Variants in SLCO6A1 observed in about 807,000 individuals in gnomAD.
SLCO6A1 encodes the protein solute carrier organic anion transporter family member 6A1, also known as cancer/testis antigen 48.
SLCO6A1 carries 65 observed loss-of-function variants against 72.7 expected under a neutral mutation model. The observed-to-expected ratio is 0.89, with a 90% CI of 0.73 to 1.10. The LOEUF is 1.10. SLCO6A1 is among the 50% of genes least tolerant of loss of function. The probability of loss-of-function intolerance (pLI) is 0.00; values close to 1 mark genes in which losing one functional copy is unlikely to be tolerated. For missense variants in SLCO6A1, 874 were observed against 872.6 expected, an observed-to-expected ratio of 1.00 and a Z score of -0.02; for synonymous variants, 314 against 298.2, an observed-to-expected ratio of 1.05 and a Z score of -0.55.
intron 12 of SLCO6A1, among the ~76,000 whole-genome samples, chr5:102,382,475 A>G (rs541070653): frequency 2.8e-4 from 39 of 138,236 alleles, no homozygotes; most frequent in Admixed American, 1.1e-3. Flanking sequence ...GTCTTTTGTG[A>G]TTTCATGCAA....
chr5:102,469,865 T>A (rs543814699), intron 4 of SLCO6A1, among the ~76,000 whole-genome samples: 6 of 152,316 alleles, frequency 3.9e-5, no homozygotes, highest in Admixed American at 6.5e-5. Context: ...GTTTTTAGCA[T>A]GAAAGGCTGC....
chr5:102,414,920 TAAA>T (rs765409308), intron 8 of SLCO6A1, among the ~76,000 whole-genome samples: 12,468 of 151,270 alleles, frequency 0.082, 679 homozygotes, highest in Non-Finnish European at 0.12. Context: ...AATAAATAAA[TAAA>T]TAAATAAATA....
rs1748502284 is a variant in SLCO6A1, at chr5:102,419,968, C to G, written c.1330G>C (p.Val444Leu). 1 of 1,598,032 alleles carries G rather than the reference C, an allele frequency of 6.3e-7. No individual in the cohort carries two copies. Among genetic ancestry groups the G allele is most frequent in the Admixed American group, 1.8e-5 (1 of 55,476 alleles). Residue 444 changes from valine to leucine, a missense_variant, in exon 8 of 14, where the codon GTT becomes CTT. Coordinates refer to ENST00000506729, the MANE Select transcript of SLCO6A1 (RefSeq NM_173488.5). ...TTACAAGACATTTCTAATGTGGAAA[C>G]AATGACACCTCCCAGAAGCTGGCCA... Reference protein sequence around the residue: ...ALGQLLGGVIVSTLEMSCKAL... With the variant: ...ALGQLLGGVILSTLEMSCKAL...
chr5:102,449,974 C>T (rs1750328889), intron 6 of SLCO6A1, among the ~76,000 whole-genome samples: 1 of 152,172 alleles, frequency 6.6e-6, no homozygotes, highest in South Asian at 2.1e-4. Context: ...CGTTTTTCAG[C>T]TGTATCATCT....
At chr5:102,435,719 T>C (rs907946811) in intron 7 of SLCO6A1, among the ~76,000 whole-genome samples, 2 of 151,894 alleles carry the variant, frequency 1.3e-5, no homozygotes, top group South Asian at 2.1e-4. Context: ...TACTAAAAAA[T>C]ACAAAATTAG....
intron 10 of SLCO6A1, among the ~76,000 whole-genome samples, chr5:102,392,337 T>TA (rs1746811657): frequency 1.3e-5 from 2 of 151,928 alleles, no homozygotes; most frequent in African/African-American, 4.8e-5. Flanking sequence ...TAAAGAGAGT[T>TA]TAAAAAGTCA....
chr5:102,379,114 T>C lies in SLCO6A1; in HGVS notation c.2018-5620A>G, dbSNP rs113507799. ...GTTTTTGGGTATTTGATATCTACTT[T>C]TGTGAAGAATTTTTTCAAGTCTTTT... On this transcript the variant is annotated intron_variant, in intron 12 of 13. Transcript: ENST00000506729. Among the ~76,000 whole-genome samples, 317 of 152,264 alleles carry C rather than the reference T, an allele frequency of 2.1e-3. 3 individuals carry two copies. Among genetic ancestry groups the C allele is most frequent in the African/African-American group, 7.2e-3 (301 of 41,558 alleles).
chr5:102,445,661 A>T (rs368604559), intron 6 of SLCO6A1, among the ~76,000 whole-genome samples: 12 of 152,182 alleles, frequency 7.9e-5, no homozygotes, highest in African/African-American at 2.9e-4. Context: ...AACATCCAGA[A>T]TGGTATTTCC....
intron 8 of SLCO6A1, among the ~76,000 whole-genome samples, chr5:102,418,043 T>C (rs1045023361): frequency 2.0e-4 from 31 of 152,054 alleles, no homozygotes; most frequent in African/African-American, 7.5e-4. Flanking sequence ...TTCTCCTTCA[T>C]TTTTTTGACA....
At position 102,498,529 on chromosome 5, in the gene SLCO6A1, G is replaced by T; in HGVS notation, c.316C>A (p.Arg106Ser). 6.2e-7 allele frequency: 1 copy of T among 1,614,054 alleles called. No homozygotes were observed. Among genetic ancestry groups the T allele is most frequent in the Non-Finnish European group, 8.5e-7 (1 of 1,179,996 alleles). The stretch of plus-strand genomic sequence containing the variant: ...ATGCAGTAGAAAATCATGAAGCAGC[G>T]AATGTTATTGCAACACTCACAGCAG... Reference protein sequence around the residue: ...STCCECCNNIRCFMIFYCILL... With the variant: ...STCCECCNNISCFMIFYCILL... Residue 106 changes from arginine (R) to serine (S), a missense_variant, in exon 1 of 14, where the codon CGC becomes AGC. By Grantham distance (110) the Arg-to-Ser change is moderately radical (BLOSUM62 -1). Coordinates refer to ENST00000506729, the MANE Select transcript of SLCO6A1 (RefSeq NM_173488.5).
chr5:102,488,838 T>C (rs957555818), intron 1 of SLCO6A1, among the ~76,000 whole-genome samples: 3 of 152,146 alleles, frequency 2.0e-5, no homozygotes, highest in Admixed American at 6.5e-5. Context: ...TATCAAAAAA[T>C]TGATCATTTT....
intron 9 of SLCO6A1, among the ~76,000 whole-genome samples, chr5:102,407,026 A>G (rs1229470129): frequency 1.3e-5 from 2 of 152,184 alleles, no homozygotes; most frequent in Admixed American, 6.5e-5. Flanking sequence ...ATCCCTACAT[A>G]ATCCCTAGGA....
At chr5:102,491,686 C>T (rs562644080) in intron 1 of SLCO6A1, among the ~76,000 whole-genome samples, 62 of 152,360 alleles carry the variant, frequency 4.1e-4, no homozygotes, top group African/African-American at 1.2e-3. Context: ...CGTGCTGGCC[C>T]GCAAGCGCGG....
intron 10 of SLCO6A1, among the ~76,000 whole-genome samples, chr5:102,394,544 G>A (rs1439911788): frequency 2.0e-5 from 3 of 151,764 alleles, no homozygotes; most frequent in African/African-American, 7.3e-5. Flanking sequence ...TAATAATATG[G>A]ATAATAAAAA....
chr5:102,472,732 G>T (rs973374752), intron 4 of SLCO6A1, among the ~76,000 whole-genome samples: 16 of 151,080 alleles, frequency 1.1e-4, no homozygotes, highest in African/African-American at 3.9e-4. Context: ...ACAAACCTTG[G>T]CCAGAGAAAT....
intron 7 of SLCO6A1, among the ~76,000 whole-genome samples, chr5:102,433,438 T>C (rs1749329296): frequency 6.6e-6 from 1 of 152,168 alleles, no homozygotes; most frequent in African/African-American, 2.4e-5. Flanking sequence ...GATTTTTTTT[T>C]CTTTTATCCT....
rs1751865577 is a variant in SLCO6A1 at position 102,475,766 on chromosome 5, C to G, written c.830G>C (p.Gly277Ala). 3.7e-6 allele frequency: 6 copies of G among 1,608,472 alleles called. No homozygotes were observed. Among genetic ancestry groups the G allele is most frequent in the African/African-American group, 1.3e-5 (1 of 74,748 alleles). ...TCCTAGCACATAACCCAGAGCATAT[C>G]CAATCATTGATGTACATTCTGCAAT... ...LGIAECTSMI[G>A]YALGYVLGAP... The change falls in exon 4 of 14, where the codon GGA becomes GCA. Residue 277 changes from glycine (G) to alanine (A), a missense_variant. Transcript: ENST00000506729.
intron 9 of SLCO6A1, among the ~76,000 whole-genome samples, chr5:102,406,535 TACA>T (rs35233736): frequency 0.48 from 72,238 of 151,560 alleles, 18,684 homozygotes; most frequent in Non-Finnish European, 0.57. Context: ...CAGAATTTAA[TACA>T]ACATTATAAG....
chr5:102,491,401 C>A (rs1160930767), intron 1 of SLCO6A1, among the ~76,000 whole-genome samples: 1 of 152,242 alleles, frequency 6.6e-6, no homozygotes, highest in African/African-American at 2.4e-5. Context: ...CACTCCTCAG[C>A]CCTTGGGTGG....
Sources: allele counts gnomAD v4.1 joint callset (sites outside exome capture counted in the v4.1 genomes callset), GRCh38; gene constraint gnomAD v4.1.1; transcripts MANE v1.5; gene names NCBI Gene and HGNC (gene_info 2026-07-23, HGNC 2026-07-21).